CENPF: variants seen among roughly 807,000 people sequenced by gnomAD.
CENPF encodes the protein AH antigen.
In CENPF, 214 loss-of-function variants were observed where a neutral mutation model predicts 307.3. The observed-to-expected ratio is 0.70, with a 90% CI of 0.62 to 0.78. The LOEUF (loss-of-function observed/expected upper bound fraction) is 0.78. Ranked by LOEUF, CENPF falls within the 30% of genes least tolerant of loss-of-function variation. The probability of loss-of-function intolerance (pLI) is 0.00; values close to 1 mark genes in which losing one functional copy is unlikely to be tolerated. For missense variants in CENPF, 3,401 were observed against 3,483.9 expected, an observed-to-expected ratio of 0.98 and a Z score of 0.60; for synonymous variants, 1,259 against 1,270.6, an observed-to-expected ratio of 0.99 and a Z score of 0.19.
intron 1 of CENPF, chr1:214,608,872 G>A (rs1657117072): frequency 1.3e-6 from 2 of 1,488,796 alleles, no homozygotes; most frequent in Admixed American, 2.5e-5. Context: ...GCCCCCACCG[G>A]GGCCCCAGCC....
rs377555732 is a variant in CENPF, at chr1:214,657,427, A to G, written c.8962+18A>G. 1.4e-5 allele frequency: 22 copies of G among 1,536,980 alleles called. No homozygotes were observed. In the African/African-American group the frequency reaches 2.7e-4, roughly 19 times the overall value. On this transcript the variant is annotated intron_variant, in intron 18 of 19. Coordinates refer to ENST00000366955, the MANE Select transcript of CENPF (RefSeq NM_016343.4). ...AAAGAAAGGTATGCCTAATTTAAAG[A>G]CAAAATTATTTGTGTTCTTTTGAAA...
At chr1:214,639,481 C>T (rs1159036016) in intron 11 of CENPF, among the ~76,000 whole-genome samples, 1 of 152,118 alleles carries the variant, frequency 6.6e-6, no homozygotes, top group Non-Finnish European at 1.5e-5. Flanking sequence ...ATTTACTTTT[C>T]TGAGACATCA....
rs956604105 is a variant in CENPF, at chr1:214,642,928, T to C, written c.4590T>C (p.Ser1530=). 1 of 1,613,368 alleles carries C rather than the reference T, an allele frequency of 6.2e-7. No homozygotes were observed. The highest frequency in any genetic ancestry group is 1.3e-5 in the African/African-American group (1 of 74,696). The change falls in exon 12 of 20, where the codon AGT becomes AGC. Residue 1530 remains serine, a synonymous_variant. Coordinates refer to ENST00000366955, the MANE Select transcript of CENPF (RefSeq NM_016343.4). ...GTGTAGATGAAGTATTTTGCAGCAG[T>C]CTGCAGGAGGAGAATCTGACCAGGA... ...QCSVDEVFCS[S]LQEENLTRKE...
intron 15 of CENPF, among the ~76,000 whole-genome samples, 177 bp from the exon 16 acceptor site, chr1:214,652,651 G>A (rs1310909437): frequency 2.6e-5 from 4 of 151,646 alleles, no homozygotes; most frequent in African/African-American, 4.8e-5. Context: ...CACCATGTTG[G>A]CCAGGATGGC....
Position 214,643,131 on chromosome 1 carries a change from T to G in CENPF, c.4793T>G (p.Leu1598Arg). 6.3e-7 allele frequency: 1 copy of G among 1,599,568 alleles called. No individual in the cohort carries two copies. The highest frequency in any genetic ancestry group is 8.5e-7 in the Non-Finnish European group (1 of 1,175,524). ...LSSERQELDC[L>R]RKQYLSENEQ... Reference sequence around the variant, plus strand: ...TCTGAAAGGCAAGAGCTTGACTGCCTTAGGAAGCAGTATTTGTCAGAAAAT... The same window carrying G: ...TCTGAAAGGCAAGAGCTTGACTGCCGTAGGAAGCAGTATTTGTCAGAAAAT... The change falls in exon 12 of 20, where the codon CTT becomes CGT. Residue 1598 changes from leucine (L) to arginine (R), a missense_variant. Leu to Arg is a moderately radical substitution (Grantham distance 102). Transcript: ENST00000366955.
Position 214,637,962 on chromosome 1 carries a change from T to G in CENPF, c.1543T>G (p.Cys515Gly), listed in dbSNP as rs1348083688. The part of the protein sequence containing the change: ...LEAELKNIKQ[C>G]LNQSQNFAEE... ...GGCAGAACTCAAGAACATCAAACAGTGTTTAAATCAGAGCCAGAATTTTGC... is the reference window on the plus strand; with the variant it reads ...GGCAGAACTCAAGAACATCAAACAGGGTTTAAATCAGAGCCAGAATTTTGC... The change falls in exon 11 of 20, where the codon TGT becomes GGT. Residue 515 changes from cysteine (C) to glycine (G), a missense_variant. Transcript: ENST00000366955. 1.9e-6 allele frequency: 3 copies of G among 1,611,608 alleles called. No homozygotes were observed. In the South Asian group the frequency reaches 3.3e-5, roughly 18 times the overall value.
In CENPF at chr1:214,640,709, C is replaced by G. The variant is rs769856777; in HGVS notation, c.2371C>G (p.Pro791Ala). The G allele has an allele frequency of 6.8e-6, 11 of 1,613,920 alleles. No homozygotes were observed. The highest frequency in any genetic ancestry group is 4.5e-5 in the East Asian group (2 of 44,858). ...QRSLLAFDQQ[P>A]AMHHSFANII... ...AAGTCTTTTGGCTTTTGATCAGCAG[C>G]CTGCCATGCATCATTCCTTTGCAAA... The change falls in exon 12 of 20, where the codon CCT (proline) becomes GCT (alanine). Residue 791 changes from proline to alanine, a missense_variant. Transcript: ENST00000366955.
chr1:214,630,674 G>GTC lies in CENPF; in HGVS notation c.1323+25_1323+26dup, dbSNP rs151037491. ...CTGAACTGGATAAAGTAGGGGCCGT[G>GTC]TCTCTCTCTCTCTCCTTAATCATCC... On this transcript the variant is annotated intron_variant, in intron 9 of 19. Transcript: ENST00000366955. 3.3e-5 allele frequency: 52 copies of GTC among 1,596,354 alleles called. No homozygotes were observed. Among genetic ancestry groups the GTC allele is most frequent in the Middle Eastern group, 1.7e-4 (1 of 5,988 alleles).
intron 7 of CENPF, among the ~76,000 whole-genome samples, chr1:214,627,936 G>A (rs1657700082): frequency 6.6e-6 from 1 of 152,174 alleles, no homozygotes; most frequent in Admixed American, 6.5e-5. Flanking sequence ...AACATATGCT[G>A]TTTGTAGAGT....
Position 214,641,712 on chromosome 1 carries a change from C to T in CENPF, c.3374C>T (p.Ala1125Val). 1 of 1,578,698 alleles carries T rather than the reference C, an allele frequency of 6.3e-7. No homozygotes were observed. Among genetic ancestry groups the T allele is most frequent in the Admixed American group, 1.9e-5 (1 of 51,484 alleles). The change falls in exon 12 of 20, where the codon GCT becomes GTT. Residue 1125 changes from alanine to valine, a missense_variant. Ala to Val is a moderately conservative substitution (Grantham distance 64, BLOSUM62 0). Coordinates refer to ENST00000366955, the MANE Select transcript of CENPF (RefSeq NM_016343.4). Reference protein sequence around the residue: ...TDNQNNSKSEAGGLKQEIMTL... With the variant: ...TDNQNNSKSEVGGLKQEIMTL... ...AACCAAAACAATTCTAAGAGCGAGG[C>T]TGGTGGTTTAAAGCAAGAAATCATG...
rs765900992 is a variant in CENPF at position 214,618,645 on chromosome 1, A to G, written c.432A>G (p.Thr144=). The change falls in exon 4 of 20, where the codon ACA becomes ACG. Residue 144 remains threonine, a synonymous_variant. Transcript: ENST00000366955. ...SADVSLNPCN[T]PQKIFTTPLT... ...ATGTCTCTCTGAATCCATGCAATAC[A>G]CCACAAAAAATTTTTACAACTCCAC... The G allele has an allele frequency of 6.2e-7, 1 of 1,614,026 alleles. No homozygotes were observed. The highest frequency in any genetic ancestry group is 8.5e-7 in the Non-Finnish European group (1 of 1,179,936).
At chr1:214,611,507 A>G (rs1173207813) in intron 1 of CENPF, among the ~76,000 whole-genome samples, 1 of 152,128 alleles carries the variant, frequency 6.6e-6, no homozygotes, top group Non-Finnish European at 1.5e-5. Flanking sequence ...CTGGGATTAC[A>G]GGCGTCTGCC....
rs780718622 is a variant in CENPF, at chr1:214,644,709, T to C, written c.5139T>C (p.Gly1713=). 6.2e-7 allele frequency: 1 copy of C among 1,613,864 alleles called. No individual in the cohort carries two copies. Residue 1713 remains glycine, a synonymous_variant, in exon 13 of 20, where the codon GGT becomes GGC. Coordinates refer to ENST00000366955, the MANE Select transcript of CENPF (RefSeq NM_016343.4). ...NLDIEKITET[G]AVKPTGECSG... Reference sequence around the variant, plus strand: ...ACATTGAGAAAATAACTGAGACTGGTGCAGTGAAACCCACAGGAGAGTGCT... The same window carrying C: ...ACATTGAGAAAATAACTGAGACTGGCGCAGTGAAACCCACAGGAGAGTGCT...
chr1:214,649,759 G>A (rs1322888956), intron 14 of CENPF, among the ~76,000 whole-genome samples: 2 of 152,206 alleles, frequency 1.3e-5, no homozygotes, highest in Non-Finnish European at 2.9e-5. Flanking sequence ...TTGGTGTTGA[G>A]TAGCTTGGGA....
chr1:214,605,813 G>A (rs1657010480), intron 1 of CENPF: 4 of 1,590,884 alleles, frequency 2.5e-6, no homozygotes, highest in African/African-American at 2.7e-5. Flanking sequence ...CTCGTAGAGC[G>A]CCAGCCCGTG....
Position 214,644,767 on chromosome 1 carries a change from C to G in CENPF, c.5197C>G (p.Pro1733Ala). 2 of 1,613,778 alleles carry G rather than the reference C, an allele frequency of 1.2e-6. No homozygotes were observed. Among genetic ancestry groups the G allele is most frequent in the Non-Finnish European group, 1.7e-6 (2 of 1,179,894 alleles). Residue 1733 changes from proline (P) to alanine (A), a missense_variant, in exon 13 of 20, where the codon CCT becomes GCT. Physicochemically the swap from Pro to Ala is conservative, Grantham distance 27. Transcript: ENST00000366955. Reference sequence around the variant, plus strand: ...ACAGTCCCCAGATACCAATTATGAGCCTCCAGGGGAAGATAAAACCCAGGG... The same window carrying G: ...ACAGTCCCCAGATACCAATTATGAGGCTCCAGGGGAAGATAAAACCCAGGG... Reference protein sequence around the residue: ...GEQSPDTNYEPPGEDKTQGSS... With the variant: ...GEQSPDTNYEAPGEDKTQGSS...
Position 214,618,573 on chromosome 1 carries a change from G to T in CENPF, c.360G>T (p.Arg120Ser), listed in dbSNP as rs1440157015. The T allele has an allele frequency of 6.2e-7, 1 of 1,613,884 alleles. No homozygotes were observed. The highest frequency in any genetic ancestry group is 8.5e-7 in the Non-Finnish European group (1 of 1,179,912). Residue 120 changes from arginine (R) to serine (S), a missense_variant and splice_region_variant, in exon 4 of 20, where the codon AGG becomes AGT. Arg to Ser is a moderately radical substitution (Grantham distance 110). Transcript: ENST00000366955. Reference protein sequence around the residue: ...QIEKLEQELKRCKSELERSQQ... With the variant: ...QIEKLEQELKSCKSELERSQQ... ...TGCCTCTTGGGTCCTTTTCTAACAG[G>T]TGTAAATCTGAGCTTGAAAGAAGCC...
At position 214,655,345 on chromosome 1, in the gene CENPF, G is replaced by A. The variant is rs757657545; in HGVS notation, c.8427G>A (p.Lys2809=). 1.9e-6 allele frequency: 3 copies of A among 1,610,524 alleles called. No individual in the cohort carries two copies. Among genetic ancestry groups the A allele is most frequent in the Middle Eastern group, 1.7e-4 (1 of 6,048 alleles). Residue 2809 remains lysine (K), a synonymous_variant, in exon 17 of 20, where the codon AAG becomes AAA. Coordinates refer to ENST00000366955, the MANE Select transcript of CENPF (RefSeq NM_016343.4). ...CCTGTAAACAGCTGGAAGAGGAAAAGGAGATACTGCAGAAAGAACTCTCTC... is the reference window on the plus strand; with the variant it reads ...CCTGTAAACAGCTGGAAGAGGAAAAAGAGATACTGCAGAAAGAACTCTCTC... ...IKSCKQLEEE[K]EILQKELSQL... is the part of the protein sequence containing the mutation.
intron 7 of CENPF, among the ~76,000 whole-genome samples, chr1:214,627,798 G>C (rs1657696391): frequency 6.6e-6 from 1 of 152,184 alleles, no homozygotes; most frequent in South Asian, 2.1e-4. Flanking sequence ...AGGATAGTAT[G>C]TCCTTGTCAA....
Sources: allele counts gnomAD v4.1 joint callset (sites outside exome capture counted in the v4.1 genomes callset), GRCh38; gene constraint gnomAD v4.1.1; transcripts MANE v1.5; gene names NCBI Gene and HGNC (gene_info 2026-07-23, HGNC 2026-07-21).